Variants in ZNF385B observed in about 807,000 individuals in gnomAD.
ZNF385B encodes the protein zinc finger protein 385B.
Under a neutral mutation model 39.2 loss-of-function variants are expected in ZNF385B, and 23 were observed. That is an observed-to-expected ratio of 0.59 (90% CI 0.42 to 0.83). ZNF385B has a LOEUF of 0.83. Ranked by LOEUF, ZNF385B falls within the 40% of genes least tolerant of loss-of-function variation. The probability of loss-of-function intolerance (pLI) is 0.00; values close to 1 mark genes in which losing one functional copy is unlikely to be tolerated. For missense variants in ZNF385B, 552 were observed against 598.9 expected (o/e 0.92, Z 0.82); for synonymous variants, 205 against 222.6 (o/e 0.92, Z 0.70).
At chr2:179,705,745 C>T (rs1277868347) in intron 3 of ZNF385B, among the ~76,000 whole-genome samples, 1 of 152,228 alleles carries the variant, frequency 6.6e-6, no homozygotes, top group Non-Finnish European at 1.5e-5. Flanking sequence ...ATATCTTAGG[C>T]TTTGCCAACC....
chr2:179,588,424 G>A (rs11683249), intron 3 of ZNF385B, among the ~76,000 whole-genome samples: 37,962 of 151,956 alleles, frequency 0.25, 5,762 homozygotes, highest in Non-Finnish European at 0.33. Flanking sequence ...TCTCAAAGAG[G>A]GGGAATGAAT....
intron 5 of ZNF385B, among the ~76,000 whole-genome samples, chr2:179,518,243 G>T (rs981911036): frequency 6.6e-6 from 1 of 151,998 alleles, no homozygotes; most frequent in African/African-American, 2.4e-5. Context: ...TTTAAAATTT[G>T]TATTATTTTT....
chr2:179,473,119 T>C (rs1184080984), intron 6 of ZNF385B, among the ~76,000 whole-genome samples: 1 of 152,172 alleles, frequency 6.6e-6, no homozygotes, highest in Non-Finnish European at 1.5e-5. Context: ...CGAGACACAT[T>C]AACCAGTGGA....
intron 4 of ZNF385B, among the ~76,000 whole-genome samples, chr2:179,537,804 C>T (rs2059681885): frequency 6.6e-6 from 1 of 151,660 alleles, no homozygotes; most frequent in Admixed American, 6.6e-5. Flanking sequence ...ATTTTCTAGG[C>T]ATAGAAATCA....
intron 3 of ZNF385B, among the ~76,000 whole-genome samples, chr2:179,594,817 T>C (rs1687865659): frequency 1.3e-5 from 2 of 152,044 alleles, no homozygotes; most frequent in African/African-American, 4.8e-5. Flanking sequence ...TTTTCTGTTT[T>C]GTTTTTTTTA....
chr2:179,634,754 G>A (rs58386506), intron 3 of ZNF385B, among the ~76,000 whole-genome samples: 39,521 of 152,042 alleles, frequency 0.26, 5,345 homozygotes, highest in Admixed American at 0.32. Flanking sequence ...ACATGCACAC[G>A]TATGTTTATT....
intron 3 of ZNF385B, among the ~76,000 whole-genome samples, chr2:179,720,375 G>T (rs910184855): frequency 6.3e-5 from 9 of 141,824 alleles, no homozygotes; most frequent in Non-Finnish European, 7.6e-5. Context: ...CATGAAAAAG[G>T]AGTAGAGGAA....
At chr2:179,485,934 T>A (rs182682263) in intron 5 of ZNF385B, among the ~76,000 whole-genome samples, 1 of 152,278 alleles carries the variant, frequency 6.6e-6, no homozygotes, top group Non-Finnish European at 1.5e-5. Flanking sequence ...TTTTCATACA[T>A]ATCTTTTTAG....
intron 3 of ZNF385B, among the ~76,000 whole-genome samples, chr2:179,650,582 T>C (rs1193781415): frequency 6.6e-6 from 1 of 152,210 alleles, no homozygotes; most frequent in Non-Finnish European, 1.5e-5. Flanking sequence ...TAGGGTTTTA[T>C]TGTTGAAAGA....
intron 1 of ZNF385B, among the ~76,000 whole-genome samples, chr2:179,778,012 C>A (rs66484603): frequency 0.35 from 52,780 of 151,824 alleles, 9,272 homozygotes; most frequent in Middle Eastern, 0.48. Flanking sequence ...CTCAAGTGAT[C>A]TGCCCACCTC....
chr2:179,694,628 C>T lies in ZNF385B; in HGVS notation c.298+74875G>A, dbSNP rs186650566. On this transcript the variant is annotated intron_variant, in intron 3 of 9. Transcript: ENST00000410066. ...TGAGGCTTTAAAGTATAGTTATAGGCTTTTGAAAGAAGACATCTGGGCTGG... is the reference window on the plus strand; with the variant it reads ...TGAGGCTTTAAAGTATAGTTATAGGTTTTTGAAAGAAGACATCTGGGCTGG... 4.5e-3 allele frequency among the ~76,000 whole-genome samples: 691 copies of T among 152,158 alleles called. 8 individuals carry two copies. Among genetic ancestry groups the T allele is most frequent in the African/African-American group, 0.015 (616 of 41,514 alleles).
chr2:179,672,665 G>A (rs1426846057), intron 3 of ZNF385B, among the ~76,000 whole-genome samples: 1 of 152,140 alleles, frequency 6.6e-6, no homozygotes, highest in East Asian at 1.9e-4. Flanking sequence ...TATAAAAGAT[G>A]TCTGAGAGAC....
Position 179,638,688 on chromosome 2 carries a change from G to A in ZNF385B, c.299-93719C>T, listed in dbSNP as rs144829699. Among the ~76,000 whole-genome samples, 408 of 152,098 alleles carry A rather than the reference G, an allele frequency of 2.7e-3. 2 individuals are homozygous for A. The highest frequency in any genetic ancestry group is 4.1e-3 in the Non-Finnish European group (281 of 67,978). On this transcript the variant is annotated intron_variant, in intron 3 of 9. Transcript: ENST00000410066. ...AAGCAAGCCACTCCAGGAGCAATACGCAAACCGACTATCTAGATTTGGGTT... is the reference window on the plus strand; with the variant it reads ...AAGCAAGCCACTCCAGGAGCAATACACAAACCGACTATCTAGATTTGGGTT...
intron 3 of ZNF385B, among the ~76,000 whole-genome samples, chr2:179,709,227 A>C (rs1434538515): frequency 9.9e-5 from 15 of 152,208 alleles, no homozygotes; most frequent in African/African-American, 3.1e-4. Flanking sequence ...TGTTTCTGTT[A>C]CACTGATGAC....
chr2:179,642,465 T>A (rs918021599), intron 3 of ZNF385B, among the ~76,000 whole-genome samples: 2 of 152,182 alleles, frequency 1.3e-5, no homozygotes, highest in Non-Finnish European at 2.9e-5. Flanking sequence ...CCTCTTTTTT[T>A]TCTCATAGAA....
intron 3 of ZNF385B, among the ~76,000 whole-genome samples, chr2:179,546,767 T>G (rs2060259801): frequency 7.4e-6 from 1 of 134,504 alleles, no homozygotes; most frequent in African/African-American, 3.1e-5. Context: ...TTGGGTCATA[T>G]GGTAGCCCAA....
At chr2:179,528,523 T>C (rs528444166) in intron 4 of ZNF385B, among the ~76,000 whole-genome samples, 1 of 152,334 alleles carries the variant, frequency 6.6e-6, no homozygotes, top group South Asian at 2.1e-4. Context: ...CAAAATAATG[T>C]TTTTCATCTT....
intron 4 of ZNF385B, among the ~76,000 whole-genome samples, chr2:179,524,939 G>A (rs1273355352): frequency 6.6e-6 from 1 of 151,998 alleles, no homozygotes; most frequent in Admixed American, 6.6e-5. Flanking sequence ...ATTGTAAGAG[G>A]AGCTTTGATT....
intron 3 of ZNF385B, among the ~76,000 whole-genome samples, chr2:179,639,422 CA>C (rs1377138010): frequency 1.3e-5 from 2 of 151,658 alleles, no homozygotes; most frequent in Non-Finnish European, 2.9e-5. Context: ...ATCTTTTCAC[CA>C]CAAAAAATAA....
Sources: allele counts gnomAD v4.1 joint callset (sites outside exome capture counted in the v4.1 genomes callset), GRCh38; gene constraint gnomAD v4.1.1; transcripts MANE v1.5; gene names NCBI Gene and HGNC (gene_info 2026-07-23, HGNC 2026-07-21).